The following INSL6 variants were observed in gnomAD, a reference collection of about 807,000 sequenced individuals.
The protein encoded by INSL6 is insulin like 6, also known as insulin-like peptide INSL6.
INSL6 carries 16 observed loss-of-function variants against 9.4 expected under a neutral mutation model. The ratio of observed to expected loss-of-function variants is 1.70; its 90% confidence interval spans 1.15 to 2.59. The LOEUF (loss-of-function observed/expected upper bound fraction) is 2.59. Ranked by LOEUF, INSL6 falls within the 30% of genes most tolerant of loss-of-function variation. INSL6 has a pLI of 0.00. For synonymous variants in INSL6, 154 were observed against 96.9 expected (o/e 1.59, Z -3.46); for missense variants, 391 against 257.3 (o/e 1.52, Z -3.56).
the INSL6 span, among the ~76,000 whole-genome samples, chr9:5,013,059 G>C: frequency 6.6e-6 from 1 of 152,162 alleles, no homozygotes; most frequent in South Asian, 2.1e-4. Context: ...ACTGGATATA[G>C]GGGTGAAAAA....
the INSL6 span, chr9:5,054,729 C>G: frequency 6.2e-7 from 1 of 1,613,340 alleles, no homozygotes; most frequent in Non-Finnish European, 8.5e-7. The surrounding 1 kb of genome is among the most constrained non-coding windows in gnomAD (Gnocchi z 4.9). Flanking sequence ...TCTGGAAACT[C>G]TGCAGTCTGC....
At chr9:5,007,136 TAC>T in the INSL6 span, among the ~76,000 whole-genome samples, 1 of 152,148 alleles carries the variant, frequency 6.6e-6, no homozygotes, top group South Asian at 2.1e-4. Flanking sequence ...TGCTCTTAAG[TAC>T]TTTCATTTTT....
chr9:5,106,325 T>C, the INSL6 span, among the ~76,000 whole-genome samples: 1 of 152,066 alleles, frequency 6.6e-6, no homozygotes, highest in Non-Finnish European at 1.5e-5. Context: ...ATCAGAGAAA[T>C]GGAAATCAAA....
the INSL6 span, chr9:5,077,562 A>G: frequency 3.4e-6 from 5 of 1,491,276 alleles, no homozygotes; most frequent in Non-Finnish European, 3.6e-6. Context: ...AACAGTTGGC[A>G]TGGGCCATGC....
the INSL6 span, chr9:5,090,990 A>C: frequency 9.4e-7 from 1 of 1,067,274 alleles, no homozygotes; most frequent in Middle Eastern, 3.1e-4. Flanking sequence ...ATAGTTTGCC[A>C]TTTCTATATT....
chr9:5,114,700 C>T, the INSL6 span: 1 of 406,746 alleles, frequency 2.5e-6, no homozygotes. Flanking sequence ...CTGGAGGTTA[C>T]CAGGGCTGAA....
At chr9:5,118,442 T>G in the INSL6 span, among the ~76,000 whole-genome samples, 1 of 152,244 alleles carries the variant, frequency 6.6e-6, no homozygotes, top group Non-Finnish European at 1.5e-5. Context: ...TTGTAACTAT[T>G]CACATTTTTC....
At chr9:5,085,375 A>G in the INSL6 span, 3 of 906,804 alleles carry the variant, frequency 3.3e-6, 1 homozygote, top group South Asian at 3.9e-5. Flanking sequence ...GATCTCATGC[A>G]CCACTGGGTC....
the INSL6 span, chr9:5,055,751 G>A: frequency 4.0e-5 from 64 of 1,610,484 alleles, no homozygotes; most frequent in Non-Finnish European, 5.2e-5. Flanking sequence ...AATGAAAGCC[G>A]AGTTGTAACT....
At chr9:5,042,930 G>A in the INSL6 span, among the ~76,000 whole-genome samples, 15 of 152,230 alleles carry the variant, frequency 9.9e-5, no homozygotes, top group Non-Finnish European at 8.8e-5. Flanking sequence ...CCTGCTAGGA[G>A]GGTGCTTCTC....
chr9:5,152,154 CTT>C (rs994413127), intron 2 of INSL6, among the ~76,000 whole-genome samples: 7 of 152,136 alleles, frequency 4.6e-5, no homozygotes, highest in Admixed American at 4.6e-4. Context: ...GATTTCAACA[CTT>C]TTATCTCACT....
intron 2 of INSL6, among the ~76,000 whole-genome samples, chr9:5,144,369 G>C (rs1033544331): frequency 6.6e-6 from 1 of 152,132 alleles, no homozygotes; most frequent in Non-Finnish European, 1.5e-5. Context: ...ACGAGAGACC[G>C]TTTGTATGAT....
chr9:5,066,873 T>G, the INSL6 span: 1 of 537,670 alleles, frequency 1.9e-6, no homozygotes, highest in Admixed American at 3.8e-5. Context: ...TATTTCCTTT[T>G]TAATACTGAG....
rs533291954 is a variant in INSL6, at chr9:5,130,173, G to C, written c.*10+3252C>G. On this transcript the variant is annotated intron_variant, in intron 3 of 3. Coordinates refer to the INSL6 transcript ENST00000649639. The stretch of plus-strand genomic sequence containing the variant: ...TTAACATTTTATTTTGAATATAACA[G>C]ATTTTTAAAACGAGACCTTTAAAGG... 7.2e-5 allele frequency among the ~76,000 whole-genome samples: 11 copies of C among 152,260 alleles called. No individual in the cohort carries two copies. The South Asian group carries it at 1.5e-3, about 20-fold the overall frequency.
the INSL6 span, chr9:5,085,307 C>T: frequency 4.1e-6 from 3 of 738,096 alleles, no homozygotes; most frequent in Admixed American, 1.8e-5. Context: ...GAGGTGAAGT[C>T]GAATACATCA....
the INSL6 span, chr9:5,111,437 C>T: frequency 2.5e-6 from 1 of 395,718 alleles, no homozygotes; most frequent in Non-Finnish European, 4.9e-6. Flanking sequence ...CGGGAAGGTC[C>T]CGCCTGGTCT....
the INSL6 span, among the ~76,000 whole-genome samples, chr9:5,034,925 T>TA: frequency 6.6e-6 from 1 of 151,952 alleles, no homozygotes; most frequent in African/African-American, 2.4e-5. Context: ...AAAAAACCCT[T>TA]CAAAAAAATC....
At chr9:5,126,321 G>T in intron 3 of INSL6, 1 of 1,545,164 alleles carries the variant, frequency 6.5e-7, no homozygotes, top group Non-Finnish European at 8.9e-7. Flanking sequence ...ATTGAAAGTG[G>T]GTTTGTTTTA....
chr9:5,033,667 A>C, the INSL6 span, among the ~76,000 whole-genome samples: 2 of 152,176 alleles, frequency 1.3e-5, no homozygotes, highest in Non-Finnish European at 2.9e-5. Flanking sequence ...GAGAAATAAA[A>C]TCCTTTACAG....
Sources: gnomAD v4.1 joint callset for allele counts (sites outside exome capture counted in the v4.1 genomes callset) on GRCh38, gnomAD v4.1.1 for gene constraint, Gnocchi (gnomAD v3.1) non-coding constraint, MANE v1.5 for transcripts, NCBI Gene and HGNC (gene_info 2026-07-23, HGNC 2026-07-21) for gene names.